Variants in TMTC2 observed in about 807,000 individuals in gnomAD.
TMTC2 encodes the protein protein O-mannosyl-transferase TMTC2.
TMTC2 carries 43 observed loss-of-function variants against 82.4 expected under a neutral mutation model. The ratio of observed to expected loss-of-function variants is 0.52; its 90% CI spans 0.41 to 0.67. TMTC2 has a LOEUF of 0.67. Ranked by LOEUF, TMTC2 falls within the 30% of genes least tolerant of loss-of-function variation. The pLI, the probability that TMTC2 is intolerant of heterozygous loss-of-function variation, is 0.00. For synonymous variants in TMTC2, 408 were observed against 381.9 expected, an observed-to-expected ratio of 1.07 and a Z score of -0.80; for missense variants, 919 against 1,012.4, an observed-to-expected ratio of 0.91 and a Z score of 1.25.
chr12:82,913,097 A>G (rs1007237853), intron 3 of TMTC2, among the ~76,000 whole-genome samples: 1 of 152,152 alleles, frequency 6.6e-6, no homozygotes, highest in Admixed American at 6.5e-5. Flanking sequence ...TCTTATCTCT[A>G]ATCACAGTGA....
rs373720706 is a variant in TMTC2 at position 82,965,134 on chromosome 12, T to C, written c.1684+25T>C. ...TGTAAGTAATACTCAAGTGTTTATT[T>C]TTTTATACCTCTTTCCATATTTGAA... On this transcript the variant is annotated intron_variant, in intron 5 of 11. Coordinates refer to ENST00000321196, the MANE Select transcript of TMTC2 (RefSeq NM_152588.3). 26 of 1,512,940 alleles carry C rather than the reference T, an allele frequency of 1.7e-5. 1 individual carries two copies. In the African/African-American group the frequency reaches 3.6e-4, roughly 21 times the overall value. The allele number at this position is 1,512,940 out of a possible 1,614,324, so 93.7% of individuals were successfully genotyped here.
chr12:82,694,903 G>C (rs1872721837), intron 1 of TMTC2, among the ~76,000 whole-genome samples: 1 of 152,092 alleles, frequency 6.6e-6, no homozygotes, highest in South Asian at 2.1e-4. Context: ...AAAAATTCAC[G>C]ACTTTTGATA....
intron 1 of TMTC2, among the ~76,000 whole-genome samples, chr12:82,827,299 A>C (rs547462584): frequency 9.2e-5 from 14 of 152,314 alleles, no homozygotes; most frequent in African/African-American, 3.4e-4. Context: ...GAACAAGAGA[A>C]AAGTAAGTCA....
intron 2 of TMTC2, among the ~76,000 whole-genome samples, chr12:82,885,950 A>G (rs559596054): frequency 3.5e-4 from 53 of 152,220 alleles, no homozygotes; most frequent in Admixed American, 6.5e-4. Context: ...TGGAGAATAT[A>G]TATAAGTTAT....
chr12:83,025,925 G>A (rs1881153153), intron 8 of TMTC2, among the ~76,000 whole-genome samples: 1 of 152,178 alleles, frequency 6.6e-6, no homozygotes, highest in African/African-American at 2.4e-5. Context: ...CTGGAATTGA[G>A]GTGTGCCACC....
intron 4 of TMTC2, among the ~76,000 whole-genome samples, chr12:82,932,326 G>A (rs931956673): frequency 4.0e-5 from 6 of 151,894 alleles, no homozygotes; most frequent in Admixed American, 1.3e-4. Flanking sequence ...GTTTTGTGTC[G>A]GCTTTCACAG....
chr12:82,931,321 T>G (rs1876019014), intron 4 of TMTC2, among the ~76,000 whole-genome samples: 1 of 152,202 alleles, frequency 6.6e-6, no homozygotes, highest in African/African-American at 2.4e-5. Flanking sequence ...ATGGTTCTTT[T>G]TTGTTTTCCT....
At chr12:82,904,790 T>G (rs1235138157) in intron 3 of TMTC2, among the ~76,000 whole-genome samples, 2 of 152,164 alleles carry the variant, frequency 1.3e-5, no homozygotes, top group Non-Finnish European at 1.5e-5. Context: ...GTGATCACCC[T>G]TTTTGCTGTG....
At chr12:83,075,972 T>G (rs1040581560) in intron 11 of TMTC2, among the ~76,000 whole-genome samples, 1 of 152,250 alleles carries the variant, frequency 6.6e-6, no homozygotes, top group Admixed American at 6.5e-5. Context: ...TCTGAAGTGT[T>G]TACTGCTTTT....
rs967974647 is a variant in TMTC2 at position 82,997,254 on chromosome 12, C to T, written c.2070+11208C>T. Reference sequence around the variant, plus strand: ...ATATATAGTTATGTATAGTTATATACGTCTATATTTATATAGGTGTATATA... The same window carrying T: ...ATATATAGTTATGTATAGTTATATATGTCTATATTTATATAGGTGTATATA... On this transcript the variant is annotated intron_variant, in intron 8 of 11. Coordinates refer to ENST00000321196, the MANE Select transcript of TMTC2 (RefSeq NM_152588.3). Among the ~76,000 whole-genome samples the T allele has an allele frequency of 6.6e-4, 76 of 114,512 alleles. 1 individual carries two copies. Among genetic ancestry groups the T allele is most frequent in the Non-Finnish European group, 2.7e-4 (16 of 58,186 alleles). The allele number at this position is 114,512 out of a possible 152,430, so 75.1% of individuals were successfully genotyped here.
chr12:82,924,612 G>A (rs915650833), intron 3 of TMTC2, among the ~76,000 whole-genome samples: 3 of 152,148 alleles, frequency 2.0e-5, no homozygotes, highest in Non-Finnish European at 4.4e-5. Flanking sequence ...GTTTCAGATT[G>A]TGACTTTGCC....
At chr12:82,994,394 A>T (rs1879526819) in intron 8 of TMTC2, among the ~76,000 whole-genome samples, 1 of 151,950 alleles carries the variant, frequency 6.6e-6, no homozygotes, top group South Asian at 2.1e-4. Flanking sequence ...GCCTCCCAAA[A>T]TGCTGGGATT....
intron 2 of TMTC2, among the ~76,000 whole-genome samples, chr12:82,891,939 A>T (rs1159105632): frequency 6.6e-6 from 1 of 152,064 alleles, no homozygotes; most frequent in Non-Finnish European, 1.5e-5. Flanking sequence ...ACACGCACAC[A>T]CCTGTGGTCT....
At chr12:82,866,237 A>T (rs1871848494) in intron 2 of TMTC2, among the ~76,000 whole-genome samples, 1 of 149,638 alleles carries the variant, frequency 6.7e-6, no homozygotes, top group Admixed American at 6.6e-5. Context: ...TGGTTTTTTG[A>T]AAAGATCAAA....
intron 4 of TMTC2, among the ~76,000 whole-genome samples, chr12:82,954,619 A>T (rs1877519397): frequency 6.6e-6 from 1 of 152,226 alleles, no homozygotes; most frequent in Non-Finnish European, 1.5e-5. Context: ...TTGCAGGGAC[A>T]TCAGCTGTGT....
intron 8 of TMTC2, among the ~76,000 whole-genome samples, chr12:83,014,928 T>C (rs1168901344): frequency 1.3e-5 from 2 of 152,188 alleles, no homozygotes; most frequent in Non-Finnish European, 1.5e-5. Context: ...ACAGTCTCAT[T>C]GAGAGGTATG....
intron 2 of TMTC2, among the ~76,000 whole-genome samples, chr12:82,876,636 T>C (rs1872597065): frequency 6.6e-6 from 1 of 152,232 alleles, no homozygotes; most frequent in Admixed American, 6.5e-5. Flanking sequence ...ATAAATACAT[T>C]CTAATAAGTA....
At chr12:82,843,813 T>C (rs1427471628) in intron 1 of TMTC2, among the ~76,000 whole-genome samples, 1 of 152,036 alleles carries the variant, frequency 6.6e-6, no homozygotes, top group Non-Finnish European at 1.5e-5. Context: ...ACGGGTCTGG[T>C]GGCAGGCGCC....
chr12:83,083,278 G>A (rs1276373935), intron 11 of TMTC2, among the ~76,000 whole-genome samples: 1 of 152,242 alleles, frequency 6.6e-6, no homozygotes, highest in Non-Finnish European at 1.5e-5. Context: ...ATCTGTCTCT[G>A]GTTCAAACAT....
Sources: gnomAD v4.1 joint callset for allele counts (sites outside exome capture counted in the v4.1 genomes callset) on GRCh38, gnomAD v4.1.1 for gene constraint, MANE v1.5 for transcripts, NCBI Gene and HGNC (gene_info 2026-07-23, HGNC 2026-07-21) for gene names.